PEAK1: variants seen among roughly 807,000 people sequenced by gnomAD.
PEAK1 encodes the protein pseudopodium enriched atypical kinase 1.
In PEAK1, 54 loss-of-function variants were observed where a neutral mutation model predicts 124.7. The ratio of observed to expected loss-of-function variants is 0.43; its 90% CI spans 0.35 to 0.54. PEAK1 has a LOEUF of 0.54. PEAK1 is among the 20% of genes least tolerant of loss of function. PEAK1 has a pLI of 0.01. For synonymous variants in PEAK1, 719 were observed against 760.0 expected (o/e 0.95, Z 0.89); for missense variants, 2,046 against 2,134.5 (o/e 0.96, Z 0.82).
At chr15:77,283,690 T>C (rs2062783531) in intron 5 of PEAK1, 193 bp downstream of exon 5, 2 of 161,040 alleles carry the variant, frequency 1.2e-5, no homozygotes, top group African/African-American at 4.8e-5. Context: ...TTAACTGAAA[T>C]TTTCCTTAGC....
chr15:77,217,433 G>A lies in PEAK1; in HGVS notation c.-115+34934C>T, dbSNP rs780336284. Reference sequence around the variant, plus strand: ...AAGAATGATAATATCTGATTATTATGAGTGTTTTGAGAAAGTTAGCCAAAG... The same window carrying A: ...AAGAATGATAATATCTGATTATTATAAGTGTTTTGAGAAAGTTAGCCAAAG... On this transcript the variant is annotated intron_variant, in intron 6 of 9. Transcript: ENST00000682557. Among the ~76,000 whole-genome samples the A allele has an allele frequency of 1.5e-4, 23 of 152,086 alleles. 1 individual carries two copies. The highest frequency in any genetic ancestry group is 2.8e-4 in the Non-Finnish European group (19 of 68,012).
chr15:77,268,190 A>G (rs1182813566), intron 5 of PEAK1, among the ~76,000 whole-genome samples: 1 of 152,178 alleles, frequency 6.6e-6, no homozygotes, highest in African/African-American at 2.4e-5. Flanking sequence ...TAAAAAATGA[A>G]CAAGCCAGAC....
intron 1 of PEAK1, among the ~76,000 whole-genome samples, chr15:77,399,449 T>C (rs556809679): frequency 7.2e-5 from 11 of 152,304 alleles, no homozygotes; most frequent in African/African-American, 1.9e-4. Flanking sequence ...TAAAACAGCA[T>C]GGTATTAGCA....
chr15:77,275,203 T>A (rs771452226), intron 5 of PEAK1, among the ~76,000 whole-genome samples: 3 of 152,174 alleles, frequency 2.0e-5, no homozygotes, highest in African/African-American at 7.2e-5. Flanking sequence ...AGACTACACA[T>A]TGGGTACAGC....
intron 1 of PEAK1, chr15:77,417,823 G>T (rs1257260446): frequency 1.0e-6 from 1 of 985,314 alleles, no homozygotes; most frequent in East Asian, 1.1e-4. Context: ...TATATGAAAT[G>T]TGCCAAAGCA....
At chr15:77,395,855 G>C (rs2070839830) in intron 1 of PEAK1, among the ~76,000 whole-genome samples, 1 of 152,046 alleles carries the variant, frequency 6.6e-6, no homozygotes, top group Non-Finnish European at 1.5e-5. Flanking sequence ...GGACTTTAAT[G>C]AGCAAAAAGA....
intron 1 of PEAK1, among the ~76,000 whole-genome samples, chr15:77,413,654 T>C (rs1164281006): frequency 6.6e-6 from 1 of 152,216 alleles, no homozygotes; most frequent in Admixed American, 6.5e-5. Context: ...TATCAAGGTT[T>C]GGATAACAGA....
At chr15:77,184,846 G>A (rs1021567827) in intron 6 of PEAK1, among the ~76,000 whole-genome samples, 2 of 152,156 alleles carry the variant, frequency 1.3e-5, no homozygotes, top group South Asian at 4.1e-4. Context: ...GCAGTGAGCC[G>A]AGGTTGCATT....
At chr15:77,142,329 G>A (rs2053851653) in intron 8 of PEAK1, among the ~76,000 whole-genome samples, 1 of 152,114 alleles carries the variant, frequency 6.6e-6, no homozygotes, top group Admixed American at 6.5e-5. Flanking sequence ...GTGAGGATGT[G>A]GAGAAATTCA....
chr15:77,282,592 A>C (rs974634959), intron 5 of PEAK1, among the ~76,000 whole-genome samples: 1 of 152,220 alleles, frequency 6.6e-6, no homozygotes, highest in African/African-American at 2.4e-5. Context: ...GGAATTCTTT[A>C]AGCCTAAAGC....
chr15:77,166,439 AG>A (rs1350441564), intron 7 of PEAK1, among the ~76,000 whole-genome samples: 1 of 152,176 alleles, frequency 6.6e-6, no homozygotes, highest in Non-Finnish European at 1.5e-5. Flanking sequence ...TTTGTTGTGG[AG>A]GGCTATCCAC....
intron 6 of PEAK1, among the ~76,000 whole-genome samples, chr15:77,211,848 C>CAAAAAAA (rs34360713): frequency 6.0e-5 from 3 of 49,760 alleles, no homozygotes; most frequent in East Asian, 6.7e-4. Flanking sequence ...AACTCCATCT[C>CAAAAAAA]AAAAAAAAAA....
rs1402114853 is a variant in PEAK1, at chr15:77,113,282, C to T, written c.*874G>A. The T allele has an allele frequency of 1.3e-5, 2 of 152,272 alleles. No homozygotes were observed. The highest frequency in any genetic ancestry group is 4.8e-5 in the African/African-American group (2 of 41,468). The allele number at this position is 152,272 out of a possible 1,614,324, so 9.4% of individuals were successfully genotyped here. On this transcript the variant is annotated 3_prime_UTR_variant, in exon 10 of 10. Transcript: ENST00000682557. ...TCAAAGGGTACTTTAAACTCTGTTTCCTGATGGCCCCTAGAGAATTGCACA... is the reference window on the plus strand; with the variant it reads ...TCAAAGGGTACTTTAAACTCTGTTTTCTGATGGCCCCTAGAGAATTGCACA...
In PEAK1 at chr15:77,108,736, C is replaced by T. The variant is rs1347578805; in HGVS notation, c.*5420G>A. The stretch of plus-strand genomic sequence containing the variant: ...TCGTAGCAAAATATATGACTCTGTA[C>T]TTCTGCTAGGTTAAAAAATGTCCGA... On this transcript the variant is annotated 3_prime_UTR_variant, in exon 10 of 10. Transcript: ENST00000682557. 1 of 152,176 alleles carries T rather than the reference C, an allele frequency of 6.6e-6. No homozygotes were observed. The highest frequency in any genetic ancestry group is 2.4e-5 in the African/African-American group (1 of 41,440). 9.4% of individuals were successfully genotyped at this position (152,176 alleles called of 1,614,324 possible). A position where few individuals can be genotyped will look rare whatever the true frequency, so the allele number is the denominator to read the frequency against.
intron 5 of PEAK1, among the ~76,000 whole-genome samples, chr15:77,272,609 T>C (rs1046240809): frequency 3.3e-5 from 5 of 151,890 alleles, no homozygotes; most frequent in African/African-American, 1.2e-4. Context: ...AAGCATGAAA[T>C]GGTAATTTAA....
chr15:77,401,058 CA>C (rs1398761979), intron 1 of PEAK1, among the ~76,000 whole-genome samples: 3 of 151,958 alleles, frequency 2.0e-5, no homozygotes, highest in African/African-American at 7.2e-5. Flanking sequence ...CCAATATATA[CA>C]ATAAATGGCA....
chr15:77,358,158 T>C (rs971263384), intron 2 of PEAK1, among the ~76,000 whole-genome samples: 2 of 152,168 alleles, frequency 1.3e-5, no homozygotes, highest in Non-Finnish European at 2.9e-5. Context: ...CCTGTTCTAT[T>C]ATTCTCCTCT....
chr15:77,247,491 T>TTC (rs1567163099), intron 6 of PEAK1, among the ~76,000 whole-genome samples: 1 of 129,840 alleles, frequency 7.7e-6, no homozygotes, highest in Non-Finnish European at 1.6e-5. Flanking sequence ...TTTTCTTTTT[T>TTC]TTTTTTTTTT....
Position 77,181,290 on chromosome 15 carries a change from C to G in PEAK1, c.637G>C (p.Gly213Arg). ...ETQGKHVILS[G>R]STEVISNEGG... The stretch of plus-strand genomic sequence containing the variant: ...TCATTACTAATCACTTCTGTGCTCC[C>G]ACTCAGAATAACATGCTTGCCCTGA... The change falls in exon 7 of 10, where the codon GGG becomes CGG. Residue 213 changes from glycine to arginine, a missense_variant. Coordinates refer to ENST00000682557, the MANE Select transcript of PEAK1 (RefSeq NM_001385026.1). 6.2e-7 allele frequency: 1 copy of G among 1,614,088 alleles called. No individual in the cohort carries two copies. The highest frequency in any genetic ancestry group is 8.5e-7 in the Non-Finnish European group (1 of 1,180,020).
Sources: gnomAD v4.1 joint callset for allele counts (sites outside exome capture counted in the v4.1 genomes callset) on GRCh38, gnomAD v4.1.1 for gene constraint, MANE v1.5 for transcripts, NCBI Gene and HGNC (gene_info 2026-07-23, HGNC 2026-07-21) for gene names.